The following ADK variants were observed in gnomAD, a reference collection of about 807,000 sequenced individuals.
ADK encodes adenosine kinase.
In ADK, 24 loss-of-function variants were observed where a neutral mutation model predicts 44.7. That is an observed-to-expected ratio of 0.54 (90% CI 0.39 to 0.76). The LOEUF is 0.76. Ranked by LOEUF, ADK falls within the 30% of genes least tolerant of loss-of-function variation. ADK has a pLI of 0.00. For missense variants in ADK, 321 were observed against 425.1 expected, an observed-to-expected ratio of 0.76 and a Z score of 2.15; for synonymous variants, 128 against 142.6, an observed-to-expected ratio of 0.90 and a Z score of 0.73.
intron 9 of ADK, among the ~76,000 whole-genome samples, chr10:74,639,847 G>A (rs1043058707): frequency 6.6e-6 from 1 of 151,764 alleles, no homozygotes; most frequent in African/African-American, 2.4e-5. Context: ...GAGCAAGCGA[G>A]ACTCCATCTC....
intron 4 of ADK, among the ~76,000 whole-genome samples, chr10:74,388,725 C>T (rs1015211108): frequency 1.2e-4 from 18 of 152,096 alleles, no homozygotes; most frequent in Non-Finnish European, 2.2e-4. Flanking sequence ...CCTTGATTGA[C>T]TTACTTTTAA....
chr10:74,359,779 A>G (rs1842270044), intron 4 of ADK, among the ~76,000 whole-genome samples: 1 of 152,164 alleles, frequency 6.6e-6, no homozygotes. Context: ...ATTCCAAAAC[A>G]TGGGATGTCT....
intron 9 of ADK, among the ~76,000 whole-genome samples, chr10:74,629,179 G>A (rs779775736): frequency 2.0e-5 from 3 of 151,996 alleles, no homozygotes; most frequent in African/African-American, 7.3e-5. Context: ...ACAGGCACAC[G>A]CCACCATGCT....
rs188049408 is a variant in ADK, at chr10:74,690,703, A to T, written c.965-17618A>T. On this transcript the variant is annotated intron_variant, in intron 10 of 10. Coordinates refer to ENST00000539909, the MANE Select transcript of ADK (RefSeq NM_006721.4). ...CCCAGCTCATGTCACCTTCTCCAAG[A>T]TGCATTTCTAAATGTCCCCCAATTG... 2.0e-5 allele frequency among the ~76,000 whole-genome samples: 3 copies of T among 152,318 alleles called. No homozygotes were observed. The East Asian group carries it at 5.8e-4, about 29-fold the overall frequency.
chr10:74,257,553 AAATTT>A (rs1446091268), intron 3 of ADK, among the ~76,000 whole-genome samples: 1 of 152,170 alleles, frequency 6.6e-6, no homozygotes, highest in Non-Finnish European at 1.5e-5. Context: ...ATTGTTTTTG[AAATTT>A]AATTTAGAAT....
At chr10:74,225,356 G>A (rs1237419959) in intron 3 of ADK, among the ~76,000 whole-genome samples, 2 of 152,178 alleles carry the variant, frequency 1.3e-5, no homozygotes, top group African/African-American at 4.8e-5. Context: ...GGGATTACAG[G>A]TGTGAGCCAC....
At chr10:74,668,771 G>A (rs1025707943) in intron 9 of ADK, among the ~76,000 whole-genome samples, 3 of 152,168 alleles carry the variant, frequency 2.0e-5, no homozygotes, top group Admixed American at 1.3e-4. Context: ...AGTGGCTCAT[G>A]CCTGTAATCC....
chr10:74,383,952 ATATTTTGGG>A (rs1843058107), intron 4 of ADK, among the ~76,000 whole-genome samples: 1 of 152,192 alleles, frequency 6.6e-6, no homozygotes, highest in African/African-American at 2.4e-5. Context: ...GTCAAGTGCC[ATATTTTGGG>A]GGTAGTGTGT....
intron 1 of ADK, among the ~76,000 whole-genome samples, chr10:74,181,523 T>C (rs544254144): frequency 1.3e-5 from 2 of 152,318 alleles, no homozygotes; most frequent in South Asian, 4.1e-4. Flanking sequence ...CATTTTAAAT[T>C]GGCCCAATAG....
chr10:74,548,912 C>T (rs1337224970), intron 7 of ADK, among the ~76,000 whole-genome samples: 1 of 152,100 alleles, frequency 6.6e-6, no homozygotes. Context: ...AAGTGGAAAA[C>T]CTGGCAGAAG....
chr10:74,372,565 A>G (rs1842694846), intron 4 of ADK: 1 of 315,264 alleles, frequency 3.2e-6, no homozygotes, highest in African/African-American at 2.1e-5. Context: ...AGCAATATTA[A>G]TGGGCAAATT....
chr10:74,609,483 C>T (rs1200369299), intron 9 of ADK, among the ~76,000 whole-genome samples: 1 of 152,140 alleles, frequency 6.6e-6, no homozygotes, highest in Non-Finnish European at 1.5e-5. Flanking sequence ...CTTCCCTTGA[C>T]TAGGGGAGGG....
chr10:74,237,461 A>G (rs1048428066), intron 3 of ADK, among the ~76,000 whole-genome samples: 1 of 152,152 alleles, frequency 6.6e-6, no homozygotes, highest in African/African-American at 2.4e-5. Flanking sequence ...GCTCAAAGTC[A>G]TCCACAAGGG....
At chr10:74,280,447 C>T (rs1347437786) in intron 3 of ADK, among the ~76,000 whole-genome samples, 1 of 151,824 alleles carries the variant, frequency 6.6e-6, no homozygotes, top group Admixed American at 6.6e-5. Context: ...CACACACACA[C>T]GTTTTTTAGA....
At chr10:74,589,911 C>T (rs1292214932) in intron 8 of ADK, among the ~76,000 whole-genome samples, 3 of 152,084 alleles carry the variant, frequency 2.0e-5, no homozygotes, top group African/African-American at 7.2e-5. Context: ...AATATACATA[C>T]ATTTTCTGAA....
At chr10:74,409,628 T>C (rs1255442914) in intron 6 of ADK, among the ~76,000 whole-genome samples, 2 of 152,186 alleles carry the variant, frequency 1.3e-5, no homozygotes, top group Non-Finnish European at 2.9e-5. Context: ...TGACCACTTA[T>C]ATCTGTTTTC....
intron 6 of ADK, chr10:74,423,933 A>G (rs1266033769): frequency 4.7e-6 from 1 of 214,338 alleles, no homozygotes; most frequent in South Asian, 8.4e-5. Flanking sequence ...AGTGGAGGAC[A>G]AGGCTGGATT....
At chr10:74,163,250 G>A (rs1006945587) in intron 1 of ADK, among the ~76,000 whole-genome samples, 1 of 152,230 alleles carries the variant, frequency 6.6e-6, no homozygotes, top group African/African-American at 2.4e-5. Flanking sequence ...ACAGGCGCGA[G>A]CCACTGTGCC....
chr10:74,708,284 TACAA>T, intron 10 of ADK, 33 bp from the exon 11 acceptor site: 2 of 1,602,994 alleles, frequency 1.2e-6, no homozygotes, highest in Non-Finnish European at 1.7e-6. Context: ...GCTGCTGTTA[TACAA>T]TACTCATGTG....
Sources: allele counts gnomAD v4.1 joint callset (sites outside exome capture counted in the v4.1 genomes callset), GRCh38; gene constraint gnomAD v4.1.1; transcripts MANE v1.5; gene names NCBI Gene and HGNC (gene_info 2026-07-23, HGNC 2026-07-21).